Variants in MYO18A observed in about 807,000 individuals in gnomAD.
MYO18A encodes the protein unconventional myosin-XVIIIa.
MYO18A carries 78 observed loss-of-function variants against 235.8 expected under a neutral mutation model. The observed-to-expected ratio is 0.33, with a 90% CI of 0.28 to 0.40. The LOEUF (loss-of-function observed/expected upper bound fraction) is 0.40. MYO18A is among the 10% of genes least tolerant of loss of function. The pLI, the probability that MYO18A is intolerant of heterozygous loss-of-function variation, is 1.00. For synonymous variants in MYO18A, 977 were observed against 1,077.8 expected (o/e 0.91, Z 1.83); for missense variants, 2,215 against 2,699.3 (o/e 0.82, Z 3.98).
intron 2 of MYO18A, among the ~76,000 whole-genome samples, chr17:29,134,363 G>A (rs2152906452): frequency 6.6e-6 from 1 of 152,330 alleles, no homozygotes; most frequent in Non-Finnish European, 1.5e-5. Flanking sequence ...GATTACAGGT[G>A]TGAGCTGACG....
At chr17:29,123,326 C>T (rs1176692692) in intron 2 of MYO18A, among the ~76,000 whole-genome samples, 1 of 151,992 alleles carries the variant, frequency 6.6e-6, no homozygotes, top group African/African-American at 2.4e-5. Context: ...GTGGCATGGA[C>T]CCACCCTCAG....
chr17:29,097,279 C>T lies in MYO18A; in HGVS notation c.4174G>A (p.Glu1392Lys). Residue 1392 changes from glutamate to lysine, a missense_variant, in exon 27 of 42, where the codon GAG (glutamate) becomes AAG (lysine). Coordinates refer to ENST00000527372, the MANE Select transcript of MYO18A (RefSeq NM_078471.4). ...TCCACCTCCAGCTTGTCCTCAAACT[C>T]CTGCTGGAGCCGTTTCTTGGTGAAG... ...VDFTKKRLQQ[E>K]FEDKLEVEQQ... 1.9e-6 allele frequency: 3 copies of T among 1,611,360 alleles called. No homozygotes were observed. Among genetic ancestry groups the T allele is most frequent in the Non-Finnish European group, 2.5e-6 (3 of 1,179,880 alleles).
In MYO18A at chr17:29,111,679, G is replaced by A. The variant is rs374871872; in HGVS notation, c.2740+43C>T. 6.5e-5 allele frequency: 105 copies of A among 1,612,426 alleles called. No individual in the cohort carries two copies. The African/African-American group carries it at 1.2e-3, about 18-fold the overall frequency. On this transcript the variant is annotated intron_variant, in intron 16 of 41. Coordinates refer to ENST00000527372, the MANE Select transcript of MYO18A (RefSeq NM_078471.4). The surrounding 1 kb of genome is among the most constrained non-coding windows in gnomAD (Gnocchi z 5.1). The stretch of plus-strand genomic sequence containing the variant: ...GAGTGCCACCTGGACCCACCTGTAT[G>A]TAAGAGGAAGCAGAGGAGCTACCCT...
intron 1 of MYO18A, among the ~76,000 whole-genome samples, chr17:29,167,324 T>C (rs991632779): frequency 4.6e-5 from 7 of 152,228 alleles, no homozygotes; most frequent in Admixed American, 4.6e-4. Context: ...GAATCTTTGA[T>C]AGACCAAGGC....
rs1474999978 is a variant in MYO18A at position 29,073,758 on chromosome 17, G to A, written c.*1012C>T. ...TAAGTGTGTGGGGGCAGGGAGGTTG[G>A]AAGAATGACACGGGCTCAGGACACA... On this transcript the variant is annotated 3_prime_UTR_variant, in exon 42 of 42. Coordinates refer to ENST00000527372, the MANE Select transcript of MYO18A (RefSeq NM_078471.4). The A allele has an allele frequency of 1.5e-6, 2 of 1,310,130 alleles. No homozygotes were observed. The highest frequency in any genetic ancestry group is 4.7e-5 in the East Asian group (2 of 42,576). 81.2% of individuals were successfully genotyped at this position (1,310,130 alleles called of 1,614,324 possible).
chr17:29,075,111 G>A, intron 41 of MYO18A, 197 bp from the exon 42 acceptor site: 1 of 595,752 alleles, frequency 1.7e-6, no homozygotes, highest in East Asian at 2.9e-5. Context: ...AGCTTTTAAA[G>A]CTCCGAGGAA....
chr17:29,113,818 C>T (rs2066990752), intron 15 of MYO18A, among the ~76,000 whole-genome samples, 193 bp downstream of exon 15: 1 of 152,180 alleles, frequency 6.6e-6, no homozygotes, highest in Non-Finnish European at 1.5e-5. Flanking sequence ...ACCTTCCTGG[C>T]CAAGACTGCC....
rs758784839 is a variant in MYO18A at position 29,114,058 on chromosome 17, T to C, written c.2551A>G (p.Thr851Ala). 2.5e-6 allele frequency: 4 copies of C among 1,604,294 alleles called. No homozygotes were observed. Among genetic ancestry groups the C allele is most frequent in the Non-Finnish European group, 3.4e-6 (4 of 1,175,702 alleles). The change falls in exon 15 of 42, where the codon ACG becomes GCG. Residue 851 changes from threonine (T) to alanine (A), a missense_variant. Transcript: ENST00000527372. ...ELAFDDLEPP[T>A]DDSVAAVDQA... ...TCCACAGCAGCCACAGAGTCATCCG[T>C]CGGGGGTTCCAAGTCGTCAAACGCC...
intron 37 of MYO18A, among the ~76,000 whole-genome samples, chr17:29,088,801 G>C (rs534022546): frequency 6.6e-6 from 1 of 152,344 alleles, no homozygotes; most frequent in African/African-American, 2.4e-5. Context: ...ACTTTGGGAA[G>C]CTGAGGCAGG....
At chr17:29,169,513 A>G (rs149002443) in intron 1 of MYO18A, among the ~76,000 whole-genome samples, 9 of 152,200 alleles carry the variant, frequency 5.9e-5, no homozygotes, top group African/African-American at 2.2e-4. Flanking sequence ...TCGGGGCTCT[A>G]CTGTGACAAG....
rs781431420 is a variant in MYO18A at position 29,074,828 on chromosome 17, G to A, written c.6107C>T (p.Ser2036Phe). The change falls in exon 42 of 42, where the codon TCC becomes TTC. Residue 2036 changes from serine to phenylalanine, a missense_variant. Physicochemically the swap from Ser to Phe is radical, Grantham distance 155 (BLOSUM62 -2). Transcript: ENST00000527372. This position sits in a 1 kb window ranked among gnomAD's most constrained non-coding sequence, Gnocchi z 4.4. ...PLDNTSRPRYSHSYLSDSDTE... is the reference protein window; with the variant it reads ...PLDNTSRPRYFHSYLSDSDTE... ...GTCGCTGTCACTCAGATAACTGTGG[G>A]AGTATCGCGGTCTGGAGGTGTTGTC... The A allele has an allele frequency of 3.7e-6, 6 of 1,613,876 alleles. No homozygotes were observed. The African/African-American group carries it at 5.3e-5, about 14-fold the overall frequency.
rs554110575 is a variant in MYO18A, at chr17:29,127,444, G to A, written c.1000-5191C>T. Reference sequence around the variant, plus strand: ...AAGTCTGAGATGGGACTTTGCTGAGGTCCCAGGGGATGAGTGGCTGGGAAT... The same window carrying A: ...AAGTCTGAGATGGGACTTTGCTGAGATCCCAGGGGATGAGTGGCTGGGAAT... On this transcript the variant is annotated intron_variant, in intron 2 of 41. Coordinates refer to ENST00000527372, the MANE Select transcript of MYO18A (RefSeq NM_078471.4). Among the ~76,000 whole-genome samples, 5 of 152,326 alleles carry A rather than the reference G, an allele frequency of 3.3e-5. No homozygotes were observed. The East Asian group carries it at 9.6e-4, about 29-fold the overall frequency.
At chr17:29,083,351 G>A (rs148059145) in intron 40 of MYO18A, among the ~76,000 whole-genome samples, 2 of 152,246 alleles carry the variant, frequency 1.3e-5, no homozygotes, top group Non-Finnish European at 2.9e-5. Flanking sequence ...CTTGGAGATA[G>A]CTTCTGAGTA....
chr17:29,099,892 A>C, intron 21 of MYO18A, 130 bp from the exon 22 acceptor site: 2 of 1,299,044 alleles, frequency 1.5e-6, no homozygotes, highest in Non-Finnish European at 2.1e-6. Flanking sequence ...GAGCCTCAAA[A>C]TCCAATTGTC....
At position 29,090,524 on chromosome 17, in the gene MYO18A, G is replaced by A. The variant is rs1467843438; in HGVS notation, c.5388+8C>T. 1.9e-6 allele frequency: 3 copies of A among 1,581,002 alleles called. No homozygotes were observed. The African/African-American group carries it at 4.0e-5, about 21-fold the overall frequency. On this transcript the variant is annotated splice_region_variant and intron_variant, in intron 36 of 41. Transcript: ENST00000527372. ...TCTCTCTCTCCTGAGGGAGCCCCTG[G>A]TCCTCACCTTCTCCTGCAGCTCCTG... is the stretch of plus-strand genomic sequence containing the variant.
intron 1 of MYO18A, among the ~76,000 whole-genome samples, chr17:29,174,313 C>G (rs1342156284): frequency 1.3e-5 from 2 of 152,116 alleles, no homozygotes; most frequent in East Asian, 3.9e-4. Context: ...TGAGACCAGC[C>G]TAGACAACAC....
chr17:29,122,093 A>G, intron 3 of MYO18A, 73 bp downstream of exon 3: 1 of 1,538,166 alleles, frequency 6.5e-7, no homozygotes, highest in Non-Finnish European at 8.9e-7. Flanking sequence ...CACCAGATGC[A>G]GAAGGCACAT....
intron 2 of MYO18A, among the ~76,000 whole-genome samples, chr17:29,136,322 T>TAA (rs1169522689): frequency 1.5e-5 from 2 of 129,552 alleles, no homozygotes; most frequent in African/African-American, 5.8e-5. Flanking sequence ...CCACAAAAAT[T>TAA]AAAAAAAAAA....
At chr17:29,167,082 C>G in intron 1 of MYO18A, 61 bp from the exon 2 acceptor site, 1 of 1,183,830 alleles carries the variant, frequency 8.4e-7, no homozygotes, top group Non-Finnish European at 1.1e-6. Flanking sequence ...TGTCTCCAGT[C>G]CAGACATAAC....
Sources: gnomAD v4.1 joint callset for allele counts (sites outside exome capture counted in the v4.1 genomes callset) on GRCh38, gnomAD v4.1.1 for gene constraint, Gnocchi (gnomAD v3.1) non-coding constraint, MANE v1.5 for transcripts, NCBI Gene and HGNC (gene_info 2026-07-23, HGNC 2026-07-21) for gene names.